The following PAK2 variants were observed in gnomAD, a reference collection of about 807,000 sequenced individuals.
PAK2 encodes serine/threonine-protein kinase PAK 2.
Under a neutral mutation model 65.9 loss-of-function variants are expected in PAK2, and 21 were observed. The ratio of observed to expected loss-of-function variants is 0.32; its 90% CI spans 0.23 to 0.46. PAK2 has a LOEUF of 0.46. Among genes scored for constraint, PAK2 ranks in the 20% least tolerant of loss-of-function variants. The probability of loss-of-function intolerance (pLI) is 1.00; values close to 1 mark genes in which losing one functional copy is unlikely to be tolerated. For synonymous variants in PAK2, 204 were observed against 219.7 expected (o/e 0.93, Z 0.63); for missense variants, 324 against 642.6 (o/e 0.50, Z 5.36).
At chr3:196,823,795 G>A (rs1184438654) in intron 13 of PAK2, among the ~76,000 whole-genome samples, 2 of 150,078 alleles carry the variant, frequency 1.3e-5, no homozygotes, top group African/African-American at 4.9e-5. Context: ...CTGGGCGACA[G>A]GGAGAGATTC....
intron 2 of PAK2, among the ~76,000 whole-genome samples, chr3:196,783,716 A>C (rs1476708031): frequency 6.6e-6 from 1 of 152,090 alleles, no homozygotes; most frequent in African/African-American, 2.4e-5. Flanking sequence ...CTTCGTCCCC[A>C]ATATCCACCA....
chr3:196,804,304 T>C (rs1330010210), intron 4 of PAK2, among the ~76,000 whole-genome samples: 1 of 152,194 alleles, frequency 6.6e-6, no homozygotes, highest in Non-Finnish European at 1.5e-5. Context: ...AGTACACCGT[T>C]AGGAAAAGGT....
chr3:196,756,297 C>G (rs1240812968), intron 1 of PAK2, among the ~76,000 whole-genome samples: 1 of 152,116 alleles, frequency 6.6e-6, no homozygotes, highest in Admixed American at 6.6e-5. Flanking sequence ...ATATAGATAC[C>G]TTCCTCTCTT....
intron 1 of PAK2, among the ~76,000 whole-genome samples, chr3:196,758,455 G>A (rs1233052682): frequency 6.6e-6 from 1 of 152,230 alleles, no homozygotes; most frequent in African/African-American, 2.4e-5. Context: ...GGGAGGTCAT[G>A]TGCGAAAGCT....
At chr3:196,768,351 A>G (rs896785743) in intron 1 of PAK2, among the ~76,000 whole-genome samples, 2 of 151,742 alleles carry the variant, frequency 1.3e-5, no homozygotes, top group East Asian at 1.9e-4. Flanking sequence ...TCCTTTTTGT[A>G]TATTAGTTTT....
chr3:196,815,354 T>A (rs1485288434), intron 11 of PAK2, among the ~76,000 whole-genome samples: 1 of 150,756 alleles, frequency 6.6e-6, no homozygotes. Context: ...TAGCCAGGCA[T>A]GGTGGTGCAC....
chr3:196,812,531 G>A (rs1039507218), intron 9 of PAK2, among the ~76,000 whole-genome samples: 2 of 152,152 alleles, frequency 1.3e-5, no homozygotes, highest in African/African-American at 4.8e-5. Context: ...GACTGTGGGT[G>A]TATTAATCAA....
At chr3:196,761,747 C>A (rs1713973556) in intron 1 of PAK2, among the ~76,000 whole-genome samples, 1 of 144,752 alleles carries the variant, frequency 6.9e-6, no homozygotes, top group Non-Finnish European at 1.5e-5. Context: ...GCAGAGGCGC[C>A]CCTCACCTCC....
chr3:196,812,804 G>A lies in PAK2; in HGVS notation c.888G>A (p.Leu296=), dbSNP rs753635650. 1.3e-6 allele frequency: 2 copies of A among 1,579,748 alleles called. No homozygotes were observed. Among genetic ancestry groups the A allele is most frequent in the African/African-American group, 1.3e-5 (1 of 74,268 alleles). ...AGGAACTGATCATTAACGAGATTCT[G>A]GTGATGAAAGAATTGAAAAATCCCA... ...PKKELIINEI[L]VMKELKNPNI... is the part of the protein sequence containing the mutation. The change falls in exon 10 of 15, where the codon CTG becomes CTA. Residue 296 remains leucine, a synonymous_variant. Transcript: ENST00000327134.
chr3:196,828,142 C>T (rs1711947551), intron 14 of PAK2, among the ~76,000 whole-genome samples, 177 bp from the exon 15 acceptor site: 1 of 152,224 alleles, frequency 6.6e-6, no homozygotes, highest in African/African-American at 2.4e-5. Context: ...ATTCTGCTTT[C>T]ATTCAACTCT....
chr3:196,761,074 C>T (rs1043901071), intron 1 of PAK2, among the ~76,000 whole-genome samples: 9 of 150,084 alleles, frequency 6.0e-5, no homozygotes, highest in Admixed American at 6.0e-4. Context: ...ACTAAAAATA[C>T]AAAATTAGCC....
At chr3:196,782,930 C>G (rs1286057622) in intron 2 of PAK2, 97 bp downstream of exon 2, 11 of 696,854 alleles carry the variant, frequency 1.6e-5, no homozygotes, top group Non-Finnish European at 2.6e-5. Context: ...TAAAACAGAT[C>G]ATGAAAACAA....
chr3:196,811,250 C>CCTT (rs1715792060), intron 8 of PAK2, among the ~76,000 whole-genome samples: 1 of 2,604 alleles, frequency 3.8e-4, no homozygotes, highest in Non-Finnish European at 7.8e-4. Context: ...TTCCCTCCCT[C>CCTT]CCCTCCCTCC....
intron 5 of PAK2, 52 bp from the exon 6 acceptor site, chr3:196,806,527 G>T: frequency 9.2e-7 from 1 of 1,092,218 alleles, no homozygotes; most frequent in South Asian, 1.3e-5. Flanking sequence ...GGCGATAGTC[G>T]CATTTAAGCC....
intron 2 of PAK2, among the ~76,000 whole-genome samples, chr3:196,799,079 T>C (rs1276350558): frequency 6.6e-6 from 1 of 152,074 alleles, no homozygotes; most frequent in East Asian, 1.9e-4. Context: ...AGAAAACGAA[T>C]AAAAGGAATC....
intron 12 of PAK2, among the ~76,000 whole-genome samples, chr3:196,819,465 T>C (rs1416700829): frequency 6.6e-6 from 1 of 152,138 alleles, no homozygotes; most frequent in East Asian, 1.9e-4. Context: ...TAAAAAATTT[T>C]TTAAATAGGC....
Position 196,828,453 on chromosome 3 carries a change from C to G in PAK2, c.*48C>G, listed in dbSNP as rs369652191. On this transcript the variant is annotated 3_prime_UTR_variant, in exon 15 of 15. Coordinates refer to ENST00000327134, the MANE Select transcript of PAK2 (RefSeq NM_002577.4). Reference sequence around the variant, plus strand: ...TCTTTTTTCCATTTTCTACAAGAAGCCTTTTAGTATATGAAAATTATTACT... The same window carrying G: ...TCTTTTTTCCATTTTCTACAAGAAGGCTTTTAGTATATGAAAATTATTACT... The G allele has an allele frequency of 3.0e-5, 32 of 1,082,438 alleles. No individual in the cohort carries two copies. The highest frequency in any genetic ancestry group is 3.7e-5 in the Non-Finnish European group (26 of 707,262). The allele number at this position is 1,082,438 out of a possible 1,614,324, so 67.1% of individuals were successfully genotyped here.
chr3:196,830,911 G>C lies in PAK2; in HGVS notation c.*2506G>C, dbSNP rs1213252201. 1.3e-5 allele frequency: 2 copies of C among 151,942 alleles called. No homozygotes were observed. The highest frequency in any genetic ancestry group is 1.5e-5 in the Non-Finnish European group (1 of 68,008). The allele number at this position is 151,942 out of a possible 1,614,324, so 9.4% of individuals were successfully genotyped here. On this transcript the variant is annotated 3_prime_UTR_variant, in exon 15 of 15. Coordinates refer to ENST00000327134, the MANE Select transcript of PAK2 (RefSeq NM_002577.4). ...TTTTATTTTTATTTTTTTTGATACA[G>C]AGTCTCACTCTGTCACTCAGGCTGG...
rs549572665 is a variant in PAK2, at chr3:196,830,258, G to C, written c.*1853G>C. 2 of 152,082 alleles carry C rather than the reference G, an allele frequency of 1.3e-5. No individual in the cohort carries two copies. Among genetic ancestry groups the C allele is most frequent in the East Asian group, 3.9e-4 (2 of 5,180 alleles). The allele number at this position is 152,082 out of a possible 1,614,324, so 9.4% of individuals were successfully genotyped here. A position where few individuals can be genotyped will look rare whatever the true frequency, so the allele number is the denominator to read the frequency against. On this transcript the variant is annotated 3_prime_UTR_variant, in exon 15 of 15. Coordinates refer to ENST00000327134, the MANE Select transcript of PAK2 (RefSeq NM_002577.4). The stretch of plus-strand genomic sequence containing the variant: ...TAAAATAATTAATGAAACATATTTA[G>C]AGCACTTAATGGTCTCTGTTTTCAA...
Sources: gnomAD v4.1 joint callset for allele counts (sites outside exome capture counted in the v4.1 genomes callset) on GRCh38, gnomAD v4.1.1 for gene constraint, MANE v1.5 for transcripts, NCBI Gene and HGNC (gene_info 2026-07-23, HGNC 2026-07-21) for gene names.